LRRC3B: variants seen among roughly 807,000 people sequenced by gnomAD.
LRRC3B encodes leucine-rich repeat-containing protein 3B.
LRRC3B carries 2 observed loss-of-function variants against 12.8 expected under a neutral mutation model. The observed-to-expected ratio is 0.16, with a 90% CI of 0.06 to 0.49. The LOEUF is 0.49. Ranked by LOEUF, LRRC3B falls within the 20% of genes least tolerant of loss-of-function variation. LRRC3B has a pLI of 0.96. For missense variants in LRRC3B, 189 were observed against 319.4 expected (o/e 0.59, Z 3.11); for synonymous variants, 132 against 122.0 (o/e 1.08, Z -0.54).
intron 1 of LRRC3B, among the ~76,000 whole-genome samples, chr3:26,688,418 T>C (rs1158063560): frequency 2.0e-5 from 3 of 152,196 alleles, no homozygotes; most frequent in Admixed American, 6.5e-5. Context: ...TTCCTAGATT[T>C]CTATAAAAAA....
At chr3:26,682,740 G>A (rs1234571507) in intron 1 of LRRC3B, among the ~76,000 whole-genome samples, 1 of 152,160 alleles carries the variant, frequency 6.6e-6, no homozygotes, top group Non-Finnish European at 1.5e-5. Context: ...CATGAAAGTG[G>A]CATTGCCTCA....
At chr3:26,637,703 T>C (rs991227988) in intron 1 of LRRC3B, among the ~76,000 whole-genome samples, 1 of 152,226 alleles carries the variant, frequency 6.6e-6, no homozygotes, top group Admixed American at 6.5e-5. Flanking sequence ...GTGAAACCTA[T>C]GTACCCTTTT....
intron 1 of LRRC3B, among the ~76,000 whole-genome samples, chr3:26,677,813 T>C (rs1559363973): frequency 7.0e-6 from 1 of 142,472 alleles, no homozygotes; most frequent in Admixed American, 7.0e-5. Flanking sequence ...TGTTTGTTTG[T>C]TTTGTGAGAC....
intron 1 of LRRC3B, among the ~76,000 whole-genome samples, chr3:26,628,473 T>C (rs949282924): frequency 3.3e-5 from 5 of 150,708 alleles, no homozygotes; most frequent in African/African-American, 1.2e-4. Context: ...TTTACCCTTA[T>C]TGATTTTATT....
intron 1 of LRRC3B, among the ~76,000 whole-genome samples, chr3:26,647,236 G>A (rs1467722464): frequency 6.6e-6 from 1 of 151,930 alleles, no homozygotes; most frequent in Non-Finnish European, 1.5e-5. Flanking sequence ...TCCAACACAT[G>A]TTACCCTGAG....
At chr3:26,710,419 A>T in exon 2 of LRRC3B, 1 of 1,612,980 alleles carries the variant, frequency 6.2e-7, no homozygotes. Context: ...AGAAGAAAGC[A>T]GATGAACCTG....
At chr3:26,644,412 T>C (rs1699099320) in intron 1 of LRRC3B, among the ~76,000 whole-genome samples, 1 of 152,200 alleles carries the variant, frequency 6.6e-6, no homozygotes, top group African/African-American at 2.4e-5. Context: ...TCACATCTAC[T>C]TCATATTGGT....
In LRRC3B at chr3:26,671,367, T is replaced by TAG. The variant is rs1480789861; in HGVS notation, c.-160-38145_-160-38144insGA. Among the ~76,000 whole-genome samples, 299 of 40,262 alleles carry TAG rather than the reference T, an allele frequency of 7.4e-3. 1 individual carries two copies. Among genetic ancestry groups the TAG allele is most frequent in the East Asian group, 0.056 (37 of 658 alleles). 26.4% of individuals were successfully genotyped at this position (40,262 alleles called of 152,430 possible). ...ATATGTGTGTATATATATATATATA[T>TAG]ATATATAGAGAGAGAGAGAGAGAGA... On this transcript the variant is annotated intron_variant, in intron 1 of 1. Coordinates refer to ENST00000396641, the Ensembl canonical transcript of LRRC3B.
intron 1 of LRRC3B, among the ~76,000 whole-genome samples, chr3:26,627,198 G>A (rs1229956260): frequency 1.3e-5 from 2 of 152,200 alleles, no homozygotes; most frequent in African/African-American, 2.4e-5. Flanking sequence ...GTGGGACAAA[G>A]TTCTAGTTTC....
At chr3:26,666,285 G>A (rs1267653680) in intron 1 of LRRC3B, among the ~76,000 whole-genome samples, 1 of 151,862 alleles carries the variant, frequency 6.6e-6, no homozygotes, top group Non-Finnish European at 1.5e-5. Context: ...GAGAAGAAAA[G>A]GAAAGGAAAA....
rs193122643 is a variant in LRRC3B, at chr3:26,683,091, A to G, written c.-160-26422A>G. Reference sequence around the variant, plus strand: ...GGTTACAAGATGTTCTGGGACTTCTAGGGCACCATTTGGGAATGGGAGGAG... The same window carrying G: ...GGTTACAAGATGTTCTGGGACTTCTGGGGCACCATTTGGGAATGGGAGGAG... On this transcript the variant is annotated intron_variant, in intron 1 of 1. Transcript: ENST00000396641. Among the ~76,000 whole-genome samples the G allele has an allele frequency of 1.4e-4, 22 of 152,248 alleles. No homozygotes were observed. The Middle Eastern group carries it at 0.014, about 94-fold the overall frequency.
intron 1 of LRRC3B, among the ~76,000 whole-genome samples, chr3:26,677,036 G>A (rs759356545): frequency 1.3e-5 from 2 of 152,086 alleles, no homozygotes; most frequent in Non-Finnish European, 2.9e-5. Context: ...ACTAGTCTAG[G>A]GGTCAAGAGC....
chr3:26,671,449 T>C (rs1575146643), intron 1 of LRRC3B, among the ~76,000 whole-genome samples: 1 of 134,214 alleles, frequency 7.5e-6, no homozygotes, highest in African/African-American at 2.8e-5. Flanking sequence ...TGGAGTGCAG[T>C]GGCATGATCT....
At chr3:26,689,974 G>A (rs1700157678) in intron 1 of LRRC3B, among the ~76,000 whole-genome samples, 1 of 152,180 alleles carries the variant, frequency 6.6e-6, no homozygotes, top group Non-Finnish European at 1.5e-5. Context: ...TAGACTGAAT[G>A]TTACTAAATC....
exon 2 of LRRC3B, chr3:26,710,288 A>C: frequency 6.2e-7 from 1 of 1,614,004 alleles, no homozygotes; most frequent in Non-Finnish European, 8.5e-7. Context: ...CGATTATGCC[A>C]TGCTGGTCAC....
intron 1 of LRRC3B, among the ~76,000 whole-genome samples, chr3:26,648,681 C>G (rs1699203403): frequency 6.6e-6 from 1 of 152,198 alleles, no homozygotes; most frequent in Non-Finnish European, 1.5e-5. Context: ...GAGGACCCCT[C>G]ACACAAATGC....
chr3:26,701,731 T>C (rs1338435572), intron 1 of LRRC3B, among the ~76,000 whole-genome samples: 1 of 152,148 alleles, frequency 6.6e-6, no homozygotes, highest in Non-Finnish European at 1.5e-5. Context: ...AGGGGTCATG[T>C]ACTAAACTTT....
chr3:26,701,805 A>G (rs1471889824), intron 1 of LRRC3B, among the ~76,000 whole-genome samples: 2 of 152,124 alleles, frequency 1.3e-5, no homozygotes, highest in Non-Finnish European at 2.9e-5. Context: ...AAAGTGGGCA[A>G]GGACACATTG....
intron 1 of LRRC3B, among the ~76,000 whole-genome samples, chr3:26,685,521 CTCTATATATATA>C (rs1368279388): frequency 4.5e-3 from 185 of 41,510 alleles, no homozygotes; most frequent in Non-Finnish European, 4.9e-3. Flanking sequence ...CTCTCTCTCT[CTCTATATATATA>C]TATATATATA....
Sources: gnomAD v4.1 joint callset for allele counts (sites outside exome capture counted in the v4.1 genomes callset) on GRCh38, gnomAD v4.1.1 for gene constraint, MANE v1.5 for transcripts, NCBI Gene and HGNC (gene_info 2026-07-23, HGNC 2026-07-21) for gene names.